Variants in INPP4A observed in about 807,000 individuals in gnomAD.
INPP4A encodes inositol polyphosphate-4-phosphatase, type I, 107kD.
A neutral mutation model predicts 119.8 loss-of-function variants in INPP4A; 33 were observed. That is an observed-to-expected ratio of 0.28 (90% CI 0.21 to 0.37). The LOEUF is 0.37. Among genes scored for constraint, INPP4A ranks in the 10% least tolerant of loss-of-function variants. The pLI, the probability that INPP4A is intolerant of heterozygous loss-of-function variation, is 1.00. For synonymous variants in INPP4A, 496 were observed against 500.7 expected, an observed-to-expected ratio of 0.99 and a Z score of 0.12; for missense variants, 956 against 1,289.9, an observed-to-expected ratio of 0.74 and a Z score of 3.97.
rs751861300 is a variant in INPP4A, at chr2:98,587,637, C to A, written c.*29C>A. The A allele has an allele frequency of 2.1e-5, 33 of 1,566,550 alleles. No individual in the cohort carries two copies. In the South Asian group the frequency reaches 3.2e-4, roughly 15 times the overall value. On this transcript the variant is annotated 3_prime_UTR_variant, in exon 25 of 25. Coordinates refer to ENST00000409851, the MANE Select transcript of INPP4A (RefSeq NM_001134225.2). ...CACGGTTTCCTCTAATTAGCTGTTACATAATAAATGTGGGTACCCTCTAGT... is the reference window on the plus strand; with the variant it reads ...CACGGTTTCCTCTAATTAGCTGTTAAATAATAAATGTGGGTACCCTCTAGT...
chr2:98,479,166 T>C (rs1200398061), intron 1 of INPP4A, among the ~76,000 whole-genome samples: 7 of 152,140 alleles, frequency 4.6e-5, no homozygotes, highest in African/African-American at 1.7e-4. Context: ...TATTCGCTGA[T>C]TTTTATCACC....
rs992389815 is a variant in INPP4A, at chr2:98,545,970, G to A, written c.951G>A (p.Gly317=). Residue 317 remains glycine (G), a splice_region_variant and synonymous_variant, in exon 12 of 25, where the codon GGG becomes GGA. Coordinates refer to ENST00000409851, the MANE Select transcript of INPP4A (RefSeq NM_001134225.2). Reference sequence around the variant, plus strand: ...ATCTTCTCCTATTCCATTTCTTAGGGCCCTCGTTTAAAGCAAGCAGTTTGA... The same window carrying A: ...ATCTTCTCCTATTCCATTTCTTAGGACCCTCGTTTAAAGCAAGCAGTTTGA... ...ENLTDLHQYR[G]PSFKASSLKA... 1.3e-6 allele frequency: 2 copies of A among 1,583,486 alleles called. No individual in the cohort carries two copies. The highest frequency in any genetic ancestry group is 8.6e-7 in the Non-Finnish European group (1 of 1,163,718).
At chr2:98,579,425 A>T (rs1698951056) in intron 24 of INPP4A, among the ~76,000 whole-genome samples, 1 of 152,268 alleles carries the variant, frequency 6.6e-6, no homozygotes, top group African/African-American at 2.4e-5. Flanking sequence ...CCAGCATTTT[A>T]ATCAAAGGTG....
At chr2:98,583,128 TAAGGATCATTCAG>T (rs1699568170) in intron 24 of INPP4A, among the ~76,000 whole-genome samples, 2 of 152,256 alleles carry the variant, frequency 1.3e-5, no homozygotes, top group Non-Finnish European at 2.9e-5. Context: ...CTTCACTATG[TAAGGATCATTCAG>T]CTGGTTCAAG....
At chr2:98,496,469 G>C (rs1178710939) in intron 1 of INPP4A, among the ~76,000 whole-genome samples, 1 of 152,114 alleles carries the variant, frequency 6.6e-6, no homozygotes, top group East Asian at 1.9e-4. Flanking sequence ...TACGGGCAAG[G>C]CTTTTTGAAT....
At chr2:98,527,259 T>C (rs148756164) in intron 4 of INPP4A, among the ~76,000 whole-genome samples, 13 of 152,302 alleles carry the variant, frequency 8.5e-5, no homozygotes, top group East Asian at 1.9e-4. Context: ...TAGAGAGTTA[T>C]CATTATTTGG....
chr2:98,445,857 ACCTATATGTGGTAGAG>A (rs1694095504), intron 1 of INPP4A, among the ~76,000 whole-genome samples: 1 of 152,146 alleles, frequency 6.6e-6, no homozygotes, highest in East Asian at 1.9e-4. Flanking sequence ...GGTAAGAAAG[ACCTATATGTGGTAGAG>A]CCCATCTTCT....
At chr2:98,455,066 A>G (rs1204463720) in intron 1 of INPP4A, among the ~76,000 whole-genome samples, 8 of 152,322 alleles carry the variant, frequency 5.3e-5, no homozygotes, top group East Asian at 3.9e-4. Flanking sequence ...AGGCTGAGTA[A>G]GGTGACTCAG....
At chr2:98,578,884 A>G (rs1001377878) in intron 24 of INPP4A, among the ~76,000 whole-genome samples, 1 of 152,260 alleles carries the variant, frequency 6.6e-6, no homozygotes, top group African/African-American at 2.4e-5. Flanking sequence ...TGTCTAGATA[A>G]GAGACATGCG....
At chr2:98,472,826 C>A (rs920981802) in intron 1 of INPP4A, among the ~76,000 whole-genome samples, 4 of 152,274 alleles carry the variant, frequency 2.6e-5, no homozygotes, top group Non-Finnish European at 2.9e-5. Flanking sequence ...TGGGGCATGG[C>A]TGGCTGTGGA....
At chr2:98,535,069 A>G (rs138241211) in intron 5 of INPP4A, among the ~76,000 whole-genome samples, 1 of 152,296 alleles carries the variant, frequency 6.6e-6, no homozygotes, top group Non-Finnish European at 1.5e-5. Context: ...CCAGAGAGAA[A>G]AAGGAGCCAG....
chr2:98,581,996 C>T (rs182991755), intron 24 of INPP4A, among the ~76,000 whole-genome samples: 2 of 152,284 alleles, frequency 1.3e-5, no homozygotes, highest in East Asian at 1.9e-4. Flanking sequence ...CATGTTCTTA[C>T]GGTGCCCTGT....
intron 1 of INPP4A, among the ~76,000 whole-genome samples, chr2:98,464,219 G>A (rs555387617): frequency 1.5e-4 from 23 of 152,132 alleles, no homozygotes; most frequent in Admixed American, 6.5e-4. Context: ...CCTGAGTCTC[G>A]AACAAAATGG....
chr2:98,501,804 G>T (rs1159968100), intron 1 of INPP4A, among the ~76,000 whole-genome samples: 1 of 152,322 alleles, frequency 6.6e-6, no homozygotes. Context: ...CAGGTCAAGA[G>T]CCCAGGGGCT....
chr2:98,469,530 C>T (rs1187358411), intron 1 of INPP4A, among the ~76,000 whole-genome samples: 3 of 149,054 alleles, frequency 2.0e-5, no homozygotes, highest in Non-Finnish European at 4.4e-5. Context: ...GGGCCGGGTG[C>T]GGTGGCTCAT....
chr2:98,502,241 C>T (rs1223299301), intron 1 of INPP4A, among the ~76,000 whole-genome samples: 2 of 152,202 alleles, frequency 1.3e-5, no homozygotes, highest in Non-Finnish European at 2.9e-5. Flanking sequence ...AGTGGCTCCA[C>T]TGTCAGTGTC....
rs570608537 is a variant in INPP4A at position 98,533,595 on chromosome 2, T to C, written c.270+100T>C. 7.3e-4 allele frequency: 539 copies of C among 736,240 alleles called. 8 individuals carry two copies. The South Asian group carries it at 8.2e-3, about 11-fold the overall frequency. 45.6% of individuals were successfully genotyped at this position (736,240 alleles called of 1,614,324 possible). A position where few individuals can be genotyped will look rare whatever the true frequency, so the allele number is the denominator to read the frequency against. On this transcript the variant is annotated intron_variant, in intron 5 of 24. Transcript: ENST00000409851. ...ACTTGTGCATCTGTAGCTGAAGCTG[T>C]ATTTACGTGAGTTGTTGCTATTTTC...
intron 24 of INPP4A, among the ~76,000 whole-genome samples, 163 bp from the exon 25 acceptor site, chr2:98,587,313 C>G (rs2106567904): frequency 6.6e-6 from 1 of 152,336 alleles, no homozygotes; most frequent in Middle Eastern, 3.4e-3. Flanking sequence ...TGTTCAGAAA[C>G]CTGCCATCTT....
At position 98,472,066 on chromosome 2, in the gene INPP4A, A is replaced by C. The variant is rs566946395; in HGVS notation, c.-166+26981A>C. Among the ~76,000 whole-genome samples, 4 of 152,334 alleles carry C rather than the reference A, an allele frequency of 2.6e-5. No homozygotes were observed. In the South Asian group the frequency reaches 8.3e-4, roughly 32 times the overall value. On this transcript the variant is annotated intron_variant, in intron 1 of 24. Coordinates refer to ENST00000409851, the MANE Select transcript of INPP4A (RefSeq NM_001134225.2). ...TTTCAGCTGGGCATTGGTCTGCTCCAACAAGGCCTCTTTTTGATCTCCCAT... is the reference window on the plus strand; with the variant it reads ...TTTCAGCTGGGCATTGGTCTGCTCCCACAAGGCCTCTTTTTGATCTCCCAT...
Sources: gnomAD v4.1 joint callset for allele counts (sites outside exome capture counted in the v4.1 genomes callset) on GRCh38, gnomAD v4.1.1 for gene constraint, MANE v1.5 for transcripts, NCBI Gene and HGNC (gene_info 2026-07-23, HGNC 2026-07-21) for gene names.